Variants in PIWIL1 observed in about 807,000 individuals in gnomAD.
The protein encoded by PIWIL1 is piwi-like protein 1.
In PIWIL1, 73 loss-of-function variants were observed where a neutral mutation model predicts 114.4. The ratio of observed to expected loss-of-function variants is 0.64; its 90% CI spans 0.53 to 0.78. The LOEUF (loss-of-function observed/expected upper bound fraction) is 0.78. PIWIL1 is among the 30% of genes least tolerant of loss of function. The pLI is 0.00. For missense variants in PIWIL1, 723 were observed against 1,063.1 expected, an observed-to-expected ratio of 0.68 and a Z score of 4.45; for synonymous variants, 375 against 369.0, an observed-to-expected ratio of 1.02 and a Z score of -0.19.
At chr12:130,360,317 A>AT (rs2073473156) in intron 14 of PIWIL1, among the ~76,000 whole-genome samples, 1 of 152,178 alleles carries the variant, frequency 6.6e-6, no homozygotes, top group Non-Finnish European at 1.5e-5. Flanking sequence ...GGGAATATAA[A>AT]TTGGAGAACA....
chr12:130,403,568 T>C, the PIWIL1 span, among the ~76,000 whole-genome samples: 3 of 152,188 alleles, frequency 2.0e-5, no homozygotes, highest in African/African-American at 7.2e-5. Flanking sequence ...ATAAAAACTT[T>C]TGTGCAACTG....
At chr12:130,405,034 T>C in the PIWIL1 span, among the ~76,000 whole-genome samples, 3 of 152,216 alleles carry the variant, frequency 2.0e-5, no homozygotes, top group Admixed American at 1.3e-4. Context: ...AAATGGTAGA[T>C]ACTTGAGATT....
At chr12:130,344,713 G>A (rs2073022274) in intron 3 of PIWIL1, among the ~76,000 whole-genome samples, 1 of 152,156 alleles carries the variant, frequency 6.6e-6, no homozygotes, top group South Asian at 2.1e-4. Flanking sequence ...CAGAACTTCT[G>A]TATTTGAGCC....
intron 9 of PIWIL1, among the ~76,000 whole-genome samples, chr12:130,352,276 G>A (rs2073233203): frequency 1.3e-5 from 2 of 152,104 alleles, no homozygotes; most frequent in South Asian, 2.1e-4. Flanking sequence ...AAGAAGGAAG[G>A]GTGTTTGGTA....
Position 130,346,542 on chromosome 12 carries a change from T to C in PIWIL1, c.489T>C (p.Phe163=). 6.2e-7 allele frequency: 1 copy of C among 1,614,160 alleles called. No individual in the cohort carries two copies. ...HEDLIGKCHA[F]DGTILFLPKR... is the part of the protein sequence containing the mutation. ...ATCTAATTGGAAAGTGTCATGCTTT[T>C]GATGGAACGATATTATTTTTACCTA... is the stretch of plus-strand genomic sequence containing the variant. Residue 163 remains phenylalanine (F), a synonymous_variant, in exon 5 of 21, where the codon TTT becomes TTC. Transcript: ENST00000245255.
the PIWIL1 span, among the ~76,000 whole-genome samples, chr12:130,393,328 G>A: frequency 6.7e-6 from 1 of 149,212 alleles, no homozygotes. Context: ...TGATGACCCG[G>A]TCACCATCAT....
chr12:130,356,059 T>TC (rs960472562), intron 12 of PIWIL1, among the ~76,000 whole-genome samples: 4 of 151,716 alleles, frequency 2.6e-5, no homozygotes, highest in African/African-American at 9.7e-5. Context: ...TTTTTTTTTT[T>TC]CAATAACTTG....
chr12:130,420,173 C>G, the PIWIL1 span, among the ~76,000 whole-genome samples: 3 of 152,152 alleles, frequency 2.0e-5, no homozygotes, highest in African/African-American at 7.2e-5. This position sits in a 1 kb window ranked among gnomAD's most constrained non-coding sequence, Gnocchi z 4.3. Flanking sequence ...AGCTCTTTGC[C>G]GAGTCCTCCT....
chr12:130,407,690 T>C, the PIWIL1 span: 108 of 1,511,758 alleles, frequency 7.1e-5, no homozygotes, highest in Middle Eastern at 1.7e-4. Context: ...AAGGGTGTGG[T>C]TGTGTCCGTC....
the PIWIL1 span, among the ~76,000 whole-genome samples, chr12:130,411,620 G>A: frequency 6.6e-6 from 1 of 152,178 alleles, no homozygotes; most frequent in Non-Finnish European, 1.5e-5. Flanking sequence ...TATACTTTCT[G>A]GGTCTGTGGT....
intron 6 of PIWIL1, 60 bp downstream of exon 6, chr12:130,347,122 T>C (rs1186477071): frequency 4.9e-6 from 6 of 1,218,256 alleles, no homozygotes; most frequent in Non-Finnish European, 7.2e-6. Context: ...AATTGTACAT[T>C]GAACATCTGC....
At position 130,347,074 on chromosome 12, in the gene PIWIL1, A is replaced by G; in HGVS notation, c.653+12A>G. On this transcript the variant is annotated intron_variant, in intron 6 of 20. Transcript: ENST00000245255. ...ATTATTTTCAGGAGGTATGTGTTTT[A>G]TTTCAACATTTTATTAAGAAAACAG... The G allele has an allele frequency of 6.3e-7, 1 of 1,576,528 alleles. No homozygotes were observed. The highest frequency in any genetic ancestry group is 8.7e-7 in the Non-Finnish European group (1 of 1,153,682).
At chr12:130,395,261 C>T in the PIWIL1 span, among the ~76,000 whole-genome samples, 2 of 152,154 alleles carry the variant, frequency 1.3e-5, no homozygotes, top group African/African-American at 2.4e-5. Flanking sequence ...GTACAATTTT[C>T]GGTCATAAAA....
At chr12:130,344,429 C>G (rs2073012576) in intron 3 of PIWIL1, among the ~76,000 whole-genome samples, 2 of 121,214 alleles carry the variant, frequency 1.6e-5, no homozygotes, top group Non-Finnish European at 3.6e-5. Context: ...CATGGAAGTG[C>G]CTTGTAAAGT....
At chr12:130,355,464 G>C in intron 11 of PIWIL1, 89 bp from the exon 12 acceptor site, 1 of 962,592 alleles carries the variant, frequency 1.0e-6, no homozygotes, top group Non-Finnish European at 1.7e-6. Flanking sequence ...ACATTGGAGT[G>C]TGTTGTAGGC....
the PIWIL1 span, among the ~76,000 whole-genome samples, chr12:130,388,283 T>A: frequency 6.6e-6 from 1 of 152,132 alleles, no homozygotes; most frequent in African/African-American, 2.4e-5. Flanking sequence ...CTGGCTTCTT[T>A]TTTTCCACTG....
chr12:130,401,444 T>C, the PIWIL1 span, among the ~76,000 whole-genome samples: 1 of 151,972 alleles, frequency 6.6e-6, no homozygotes, highest in Non-Finnish European at 1.5e-5. Context: ...GTAGATTTTA[T>C]CACAAAAATT....
At chr12:130,413,733 T>C in the PIWIL1 span, among the ~76,000 whole-genome samples, 325 of 151,556 alleles carry the variant, frequency 2.1e-3, no homozygotes, top group African/African-American at 7.5e-3. Context: ...CTCCAGCCTC[T>C]AGCTGCTGAT....
the PIWIL1 span, chr12:130,424,133 G>A: frequency 8.2e-7 from 1 of 1,223,158 alleles, no homozygotes; most frequent in Non-Finnish European, 1.0e-6. This position sits in a 1 kb window ranked among gnomAD's most constrained non-coding sequence, Gnocchi z 9.8. Flanking sequence ...GGAAGTTTAG[G>A]TCACACACCA....
Sources: allele counts gnomAD v4.1 joint callset (sites outside exome capture counted in the v4.1 genomes callset), GRCh38; gene constraint gnomAD v4.1.1; non-coding constraint Gnocchi (gnomAD v3.1); transcripts MANE v1.5; gene names NCBI Gene and HGNC (gene_info 2026-07-23, HGNC 2026-07-21).